TMEM232: variants seen among roughly 807,000 people sequenced by gnomAD.
TMEM232 encodes transmembrane protein 232.
In TMEM232, 80 loss-of-function variants were observed where a neutral mutation model predicts 78.8. The observed-to-expected ratio is 1.01, with a 90% CI of 0.85 to 1.22. The LOEUF (loss-of-function observed/expected upper bound fraction) is 1.22, where lower values mean the gene tolerates loss of function less well. Ranked by LOEUF, TMEM232 falls within the 50% of genes most tolerant of loss-of-function variation. TMEM232 has a pLI of 0.00. For missense variants in TMEM232, 881 were observed against 742.2 expected (o/e 1.19, Z -2.17); for synonymous variants, 297 against 254.3 (o/e 1.17, Z -1.60).
At chr5:110,613,259 T>G (rs992993934) in intron 8 of TMEM232, among the ~76,000 whole-genome samples, 1 of 152,134 alleles carries the variant, frequency 6.6e-6, no homozygotes, top group East Asian at 1.9e-4. Context: ...TTTTGTACTG[T>G]AGGATCTTTA....
intron 1 of TMEM232, among the ~76,000 whole-genome samples, chr5:110,723,673 C>T (rs772988168): frequency 3.3e-5 from 5 of 152,176 alleles, no homozygotes; most frequent in Non-Finnish European, 7.3e-5. Context: ...GCTTCCTATC[C>T]AATATTCACT....
At chr5:110,604,697 G>A (rs368974077) in intron 10 of TMEM232, among the ~76,000 whole-genome samples, 1 of 152,066 alleles carries the variant, frequency 6.6e-6, no homozygotes, top group East Asian at 1.9e-4. Flanking sequence ...AGTGGTTCAC[G>A]AATGCAATCC....
rs139074751 is a variant in TMEM232, at chr5:110,707,629, C to G, written c.-13+18998G>C. On this transcript the variant is annotated intron_variant, in intron 1 of 13. Transcript: ENST00000455884. ...AGGCAACAACTAGTGTTGGGTTGGA[C>G]TCAGAGCCAGTGGACTAGAGTGGCA... 2.0e-5 allele frequency among the ~76,000 whole-genome samples: 3 copies of G among 152,290 alleles called. No homozygotes were observed. The East Asian group carries it at 5.8e-4, about 29-fold the overall frequency.
intron 2 of TMEM232, among the ~76,000 whole-genome samples, chr5:110,401,233 A>G (rs573132576): frequency 6.6e-6 from 1 of 152,004 alleles, no homozygotes; most frequent in Non-Finnish European, 1.5e-5. Flanking sequence ...AAGGTAATGC[A>G]TATAGTAAAA....
rs536429803 is a variant in TMEM232 at position 110,514,297 on chromosome 5, G to A, written c.1703+14291C>T. ...CCAAAAAGGAAATCATCATGAACCC[G>A]TATGTTCTCTTGAAAAGTTGCCAGC... On this transcript the variant is annotated intron_variant, in intron 12 of 13. Transcript: ENST00000455884. 4.1e-4 allele frequency among the ~76,000 whole-genome samples: 62 copies of A among 152,054 alleles called. No homozygotes were observed. The South Asian group carries it at 7.7e-3, about 19-fold the overall frequency.
intron 2 of TMEM232, among the ~76,000 whole-genome samples, chr5:110,412,489 T>C (rs757676172): frequency 2.6e-5 from 4 of 152,134 alleles, no homozygotes; most frequent in Admixed American, 6.6e-5. Flanking sequence ...ATCATGACCA[T>C]TGATATGTCG....
At chr5:110,529,059 G>A (rs1387702520) in intron 11 of TMEM232, among the ~76,000 whole-genome samples, 1 of 152,082 alleles carries the variant, frequency 6.6e-6, no homozygotes, top group Non-Finnish European at 1.5e-5. Context: ...ATCCAGTCTT[G>A]AAATTTTGAA....
At chr5:110,611,073 C>T (rs1455866089) in intron 8 of TMEM232, among the ~76,000 whole-genome samples, 1 of 151,776 alleles carries the variant, frequency 6.6e-6, no homozygotes, top group African/African-American at 2.4e-5. Context: ...TAAATATGAC[C>T]AAATAATTAA....
rs113680205 is a variant in TMEM232, at chr5:110,537,319, C to T, written c.1456-8484G>A. ...TTTTTTTTTCTGCAATGCTGTTTGG[C>T]CCAATTATGAGCTGCCCAGCCTGGA... On this transcript the variant is annotated intron_variant, in intron 11 of 13. Coordinates refer to ENST00000455884, the MANE Select transcript of TMEM232 (RefSeq NM_001039763.4). Among the ~76,000 whole-genome samples the T allele has an allele frequency of 5.8e-3, 883 of 151,564 alleles. 6 individuals are homozygous for T. The highest frequency in any genetic ancestry group is 8.3e-3 in the Non-Finnish European group (563 of 67,962).
intron 2 of TMEM232, among the ~76,000 whole-genome samples, chr5:110,649,081 G>A (rs1787928812): frequency 6.6e-6 from 1 of 151,946 alleles, no homozygotes; most frequent in Non-Finnish European, 1.5e-5. Flanking sequence ...AGACCCAAAG[G>A]TAAGTATTCA....
At chr5:110,431,888 T>C (rs1757895891) in intron 12 of TMEM232, among the ~76,000 whole-genome samples, 1 of 151,608 alleles carries the variant, frequency 6.6e-6, no homozygotes, top group African/African-American at 2.4e-5. Flanking sequence ...GAGACATATA[T>C]GAGAATGTTC....
chr5:110,715,373 A>G (rs1796909786), intron 1 of TMEM232, among the ~76,000 whole-genome samples: 1 of 152,176 alleles, frequency 6.6e-6, no homozygotes, highest in Admixed American at 6.6e-5. Context: ...AATGTAAATG[A>G]CCAGTGAACA....
At chr5:110,487,970 T>G (rs1369598769) in intron 12 of TMEM232, among the ~76,000 whole-genome samples, 1 of 152,078 alleles carries the variant, frequency 6.6e-6, no homozygotes, top group Non-Finnish European at 1.5e-5. Flanking sequence ...GGTAGAATTC[T>G]GCTGTGAATC....
chr5:110,583,028 C>T (rs1778387145), intron 10 of TMEM232, among the ~76,000 whole-genome samples: 1 of 151,816 alleles, frequency 6.6e-6, no homozygotes, highest in Non-Finnish European at 1.5e-5. Flanking sequence ...GAAAAGACAT[C>T]CTTTGTTCCT....
At chr5:110,705,253 A>C (rs992883000) in intron 1 of TMEM232, among the ~76,000 whole-genome samples, 2 of 152,152 alleles carry the variant, frequency 1.3e-5, no homozygotes, top group Non-Finnish European at 2.9e-5. Flanking sequence ...GTTTGATAAC[A>C]CAGCACTGGC....
At chr5:110,597,561 T>C (rs1780322388) in intron 10 of TMEM232, among the ~76,000 whole-genome samples, 1 of 151,574 alleles carries the variant, frequency 6.6e-6, no homozygotes, top group Admixed American at 6.6e-5. Context: ...GCCAAGTCAA[T>C]CCTAAGCCAA....
chr5:110,393,306 G>T (rs1755270866), intron 3 of TMEM232, among the ~76,000 whole-genome samples: 1 of 152,092 alleles, frequency 6.6e-6, no homozygotes, highest in Non-Finnish European at 1.5e-5. Flanking sequence ...ATTTTAGTTT[G>T]ATCAGATTTT....
intron 11 of TMEM232, among the ~76,000 whole-genome samples, chr5:110,563,664 G>A (rs983926898): frequency 6.6e-6 from 1 of 151,918 alleles, no homozygotes; most frequent in African/African-American, 2.4e-5. Flanking sequence ...TTCATAGAGT[G>A]CATAAGACTA....
At chr5:110,431,299 C>G (rs779049622) in intron 12 of TMEM232, among the ~76,000 whole-genome samples, 1 of 151,478 alleles carries the variant, frequency 6.6e-6, no homozygotes, top group Admixed American at 6.6e-5. Flanking sequence ...ACGAGAGAGG[C>G]CTTGATGAAC....
Sources: gnomAD v4.1 joint callset for allele counts (sites outside exome capture counted in the v4.1 genomes callset) on GRCh38, gnomAD v4.1.1 for gene constraint, MANE v1.5 for transcripts, NCBI Gene and HGNC (gene_info 2026-07-23, HGNC 2026-07-21) for gene names.